Variants in PCCA observed in about 807,000 individuals in gnomAD.
PCCA encodes propionyl-CoA carboxylase alpha chain, mitochondrial.
A neutral mutation model predicts 101.3 loss-of-function variants in PCCA; 74 were observed. The observed-to-expected ratio is 0.73, with a 90% confidence interval of 0.61 to 0.89. The LOEUF (loss-of-function observed/expected upper bound fraction) is 0.89, where lower values mean the gene tolerates loss of function less well. Ranked by LOEUF, PCCA falls within the 40% of genes least tolerant of loss-of-function variation. PCCA has a pLI of 0.00. For missense variants in PCCA, 891 were observed against 907.0 expected (o/e 0.98, Z 0.23); for synonymous variants, 294 against 313.6 (o/e 0.94, Z 0.66).
chr13:100,272,843 C>T (rs2152585475), intron 11 of PCCA, among the ~76,000 whole-genome samples: 1 of 152,208 alleles, frequency 6.6e-6, no homozygotes, highest in South Asian at 2.1e-4. Context: ...ATGTTAGATA[C>T]TAATAAGTTA....
rs567287477 is a variant in PCCA, at chr13:100,270,840, C to T, written c.914+2057C>T. On this transcript the variant is annotated intron_variant, in intron 11 of 23. Coordinates refer to ENST00000376285, the MANE Select transcript of PCCA (RefSeq NM_000282.4). ...CCTGGACAACGTAGTGGGACCTCATCTTCACAAAAAAGTAAAAAATCAGCT... is the reference window on the plus strand; with the variant it reads ...CCTGGACAACGTAGTGGGACCTCATTTTCACAAAAAAGTAAAAAATCAGCT... Among the ~76,000 whole-genome samples, 10 of 151,944 alleles carry T rather than the reference C, an allele frequency of 6.6e-5. No individual in the cohort carries two copies. The South Asian group carries it at 2.1e-3, about 32-fold the overall frequency.
At chr13:100,403,956 C>CTA (rs1352377077) in intron 19 of PCCA, among the ~76,000 whole-genome samples, 4 of 152,162 alleles carry the variant, frequency 2.6e-5, no homozygotes, top group Non-Finnish European at 4.4e-5. Flanking sequence ...AGAAGTACAT[C>CTA]TAACTGCCAT....
rs2064274600 is a variant in PCCA, at chr13:100,283,101, T to G, written c.1065+9755T>G. On this transcript the variant is annotated intron_variant, in intron 12 of 23. Transcript: ENST00000376285. Reference sequence around the variant, plus strand: ...TTTTCAGATGATCCTGATAGGTACATAGATGTCCTACAAGGTCTAGGGCAA... The same window carrying G: ...TTTTCAGATGATCCTGATAGGTACAGAGATGTCCTACAAGGTCTAGGGCAA... Among the ~76,000 whole-genome samples the G allele has an allele frequency of 1.3e-5, 2 of 152,162 alleles. 1 individual carries two copies. Among genetic ancestry groups the G allele is most frequent in the Admixed American group, 1.3e-4 (2 of 15,292 alleles).
chr13:100,271,835 A>G (rs1461868605), intron 11 of PCCA, among the ~76,000 whole-genome samples: 3 of 152,240 alleles, frequency 2.0e-5, no homozygotes, highest in Non-Finnish European at 4.4e-5. Flanking sequence ...TTTAAAAACA[A>G]TAAAGGGTGG....
chr13:100,505,878 A>G (rs1410672485), intron 21 of PCCA, among the ~76,000 whole-genome samples: 1 of 151,830 alleles, frequency 6.6e-6, no homozygotes, highest in African/African-American at 2.4e-5. Flanking sequence ...CCCCCAAAAA[A>G]ATCCACCACT....
At chr13:100,489,205 G>A (rs1333635275) in intron 21 of PCCA, among the ~76,000 whole-genome samples, 2 of 152,218 alleles carry the variant, frequency 1.3e-5, no homozygotes, top group Non-Finnish European at 2.9e-5. Flanking sequence ...CTACTCGGGA[G>A]GCTGAGGCAG....
chr13:100,219,779 T>C (rs576209282), intron 7 of PCCA, among the ~76,000 whole-genome samples: 1 of 152,348 alleles, frequency 6.6e-6, no homozygotes, highest in South Asian at 2.1e-4. Context: ...TTCCCAATTC[T>C]CTTGAATAAA....
chr13:100,367,322 C>A (rs1284027532), intron 18 of PCCA, among the ~76,000 whole-genome samples: 1 of 151,890 alleles, frequency 6.6e-6, no homozygotes, highest in African/African-American at 2.4e-5. Context: ...GATATGGAGT[C>A]CTTTCTGGGG....
chr13:100,349,917 G>C (rs561532538), intron 18 of PCCA, among the ~76,000 whole-genome samples: 1 of 152,132 alleles, frequency 6.6e-6, no homozygotes, highest in East Asian at 1.9e-4. Context: ...TCCTCATCTG[G>C]CTTCCTGATA....
At chr13:100,350,434 C>A (rs184521496) in intron 18 of PCCA, among the ~76,000 whole-genome samples, 1 of 152,228 alleles carries the variant, frequency 6.6e-6, no homozygotes, top group East Asian at 1.9e-4. Flanking sequence ...GCAAATAAAT[C>A]CCCTAAAAGC....
intron 14 of PCCA, 78 bp from the exon 15 acceptor site, chr13:100,307,114 A>G (rs2152692424): frequency 1.1e-6 from 1 of 921,044 alleles, no homozygotes. Flanking sequence ...CATTTTCTCC[A>G]TGGAAATGAA....
At chr13:100,123,018 A>G (rs1482053502) in intron 4 of PCCA, among the ~76,000 whole-genome samples, 1 of 152,224 alleles carries the variant, frequency 6.6e-6, no homozygotes, top group African/African-American at 2.4e-5. Context: ...AGGCAAAAAT[A>G]AGAAGATTGT....
chr13:100,170,875 C>T (rs1054757084), intron 6 of PCCA, among the ~76,000 whole-genome samples: 3 of 152,114 alleles, frequency 2.0e-5, no homozygotes, highest in African/African-American at 4.8e-5. Context: ...GTCAGCATAG[C>T]GTACAGTAGC....
At chr13:100,383,719 G>A (rs938523785) in intron 19 of PCCA, among the ~76,000 whole-genome samples, 19 of 152,188 alleles carry the variant, frequency 1.2e-4, no homozygotes, top group African/African-American at 4.6e-4. Flanking sequence ...ATGCAAAATT[G>A]TTTCATCTTA....
intron 7 of PCCA, among the ~76,000 whole-genome samples, chr13:100,216,283 G>T (rs986869628): frequency 1.3e-5 from 2 of 152,206 alleles, no homozygotes; most frequent in African/African-American, 4.8e-5. Context: ...GTTGGTTGAG[G>T]TTGAAGTGTA....
intron 6 of PCCA, among the ~76,000 whole-genome samples, chr13:100,185,704 A>G (rs546995995): frequency 4.7e-5 from 7 of 148,524 alleles, no homozygotes; most frequent in East Asian, 2.0e-4. Context: ...CTGGAGTGCA[A>G]TGGTGCGATC....
intron 21 of PCCA, among the ~76,000 whole-genome samples, chr13:100,482,126 C>G (rs2083989521): frequency 6.6e-6 from 1 of 152,222 alleles, no homozygotes; most frequent in African/African-American, 2.4e-5. Flanking sequence ...CCTGAAATAT[C>G]TAACCTGTGG....
chr13:100,282,705 C>A (rs896269999), intron 12 of PCCA, among the ~76,000 whole-genome samples: 1 of 152,224 alleles, frequency 6.6e-6, no homozygotes, highest in South Asian at 2.1e-4. Context: ...ACAATACTAT[C>A]CTGCAGCTTG....
At chr13:100,140,721 T>C (rs1220957489) in intron 4 of PCCA, among the ~76,000 whole-genome samples, 2 of 152,192 alleles carry the variant, frequency 1.3e-5, no homozygotes, top group African/African-American at 4.8e-5. Context: ...TGAGGTTTCA[T>C]AGTTGAATTC....
Sources: gnomAD v4.1 joint callset for allele counts (sites outside exome capture counted in the v4.1 genomes callset) on GRCh38, gnomAD v4.1.1 for gene constraint, MANE v1.5 for transcripts, NCBI Gene and HGNC (gene_info 2026-07-23, HGNC 2026-07-21) for gene names.